PTPRB: variants seen among roughly 807,000 people sequenced by gnomAD.
PTPRB encodes the protein protein tyrosine phosphatase receptor type B.
Under a neutral mutation model 238.1 loss-of-function variants are expected in PTPRB, and 97 were observed. The ratio of observed to expected loss-of-function variants is 0.41; its 90% CI spans 0.35 to 0.48. The LOEUF (loss-of-function observed/expected upper bound fraction) is 0.48. PTPRB is among the 20% of genes least tolerant of loss of function. The probability of loss-of-function intolerance (pLI) is 0.30; values close to 1 mark genes in which losing one functional copy is unlikely to be tolerated. For synonymous variants in PTPRB, 970 were observed against 995.4 expected (o/e 0.97, Z 0.48); for missense variants, 2,292 against 2,681.9 (o/e 0.85, Z 3.21).
intron 2 of PTPRB, among the ~76,000 whole-genome samples, chr12:70,631,891 T>C (rs1222052219): frequency 1.3e-5 from 2 of 152,150 alleles, no homozygotes; most frequent in African/African-American, 4.8e-5. Context: ...TACCATCTCT[T>C]GCCAGTTAGA....
At chr12:70,594,829 T>C (rs1882846054) in intron 5 of PTPRB, 105 bp from the exon 6 acceptor site, 2 of 1,355,596 alleles carry the variant, frequency 1.5e-6, no homozygotes, top group African/African-American at 2.9e-5. Flanking sequence ...CCTCTGTACA[T>C]CTTAACTTGA....
chr12:70,612,459 T>C (rs1184226245), intron 3 of PTPRB, among the ~76,000 whole-genome samples: 2 of 152,200 alleles, frequency 1.3e-5, no homozygotes, highest in African/African-American at 4.8e-5. Context: ...CTCATCTTTG[T>C]TTGGAATTCC....
intron 21 of PTPRB, among the ~76,000 whole-genome samples, chr12:70,547,988 C>A (rs1876276045): frequency 6.6e-6 from 1 of 151,244 alleles, no homozygotes; most frequent in African/African-American, 2.4e-5. Context: ...GCTCCTAGTG[C>A]AGATCTCTTT....
chr12:70,627,156 C>T (rs1052304172), intron 2 of PTPRB, among the ~76,000 whole-genome samples: 1 of 152,088 alleles, frequency 6.6e-6, no homozygotes, highest in African/African-American at 2.4e-5. Context: ...TTACCTAACA[C>T]CCTATGTTTT....
intron 10 of PTPRB, 44 bp from the exon 11 acceptor site, chr12:70,576,689 G>GGGGGGGGGGGGGGGGGGTGGA: frequency 3.1e-6 from 1 of 324,814 alleles, no homozygotes; most frequent in South Asian, 2.6e-5. Flanking sequence ...GGGGAAGGGG[G>GGGGGGGGGGGGGGGGGGTGGA]ATTCAAAAAG....
chr12:70,539,761 C>T, intron 25 of PTPRB, 55 bp from the exon 26 acceptor site: 1 of 1,592,806 alleles, frequency 6.3e-7, no homozygotes, highest in South Asian at 1.1e-5. Flanking sequence ...AGGGAAAGTG[C>T]CATAACTATT....
rs758730629 is a variant in PTPRB at position 70,562,894 on chromosome 12, A to G, written c.4118T>C (p.Val1373Ala). 3 of 1,614,030 alleles carry G rather than the reference A, an allele frequency of 1.9e-6. No individual in the cohort carries two copies. The highest frequency in any genetic ancestry group is 2.2e-5 in the South Asian group (2 of 91,084). ...ATTAGACAGCTCCCCACTGTGAGTT[A>G]CAATCACCATCTTGTACATTCTGCC... is the stretch of plus-strand genomic sequence containing the variant. ...LQGRMYKMVI[V>A]THSGELSNES... The change falls in exon 16 of 34, where the codon GTA becomes GCA. Residue 1373 changes from valine (V) to alanine (A), a missense_variant. By Grantham distance (64) the Val-to-Ala change is moderately conservative. This residue lies in a region of PTPRB where 683 missense variants were observed against 862.0 expected (regional missense o/e 0.79). Transcript: ENST00000334414.
chr12:70,579,080 A>G (rs1881092721), intron 10 of PTPRB, among the ~76,000 whole-genome samples: 1 of 152,218 alleles, frequency 6.6e-6, no homozygotes, highest in Admixed American at 6.5e-5. Flanking sequence ...CACATTATAC[A>G]GTGTCTAAGC....
At position 70,622,424 on chromosome 12, in the gene PTPRB, G is replaced by A. The variant is rs748496044; in HGVS notation, c.674C>T (p.Ser225Leu). 27 of 1,612,262 alleles carry A rather than the reference G, an allele frequency of 1.7e-5. No homozygotes were observed. Among genetic ancestry groups the A allele is most frequent in the South Asian group, 3.3e-5 (3 of 90,988 alleles). ...TGITDTSWVL[S>L]TTQPFSSTTE... ...GGTGCTGGAGAAGGGCTGAGTAGTC[G>A]ACAAAACCCATGATGTGTCTGTAAT... Residue 225 changes from serine (S) to leucine (L), a missense_variant, in exon 3 of 34, where the codon TCG becomes TTG. Ser to Leu is a moderately radical substitution (Grantham distance 145, BLOSUM62 -2). This residue lies in a region of PTPRB where 1,205 missense variants were observed against 1,287.8 expected (regional missense o/e 0.94). Coordinates refer to ENST00000334414, the MANE Select transcript of PTPRB (RefSeq NM_001109754.4).
chr12:70,547,839 T>A (rs1293150018), intron 21 of PTPRB, among the ~76,000 whole-genome samples: 1 of 152,160 alleles, frequency 6.6e-6, no homozygotes, highest in African/African-American at 2.4e-5. Context: ...TTCTGTTTGA[T>A]CATGTTCAAC....
At chr12:70,545,066 G>C (rs529590985) in intron 21 of PTPRB, among the ~76,000 whole-genome samples, 1 of 152,362 alleles carries the variant, frequency 6.6e-6, no homozygotes, top group South Asian at 2.1e-4. Context: ...GCTTCATTCA[G>C]AATGGTAGTG....
chr12:70,529,255 T>G (rs1872827311), intron 32 of PTPRB, among the ~76,000 whole-genome samples: 2 of 152,146 alleles, frequency 1.3e-5, no homozygotes, highest in Non-Finnish European at 2.9e-5. Context: ...TTACCTCTGC[T>G]CTGAAAGTCA....
intron 4 of PTPRB, 149 bp downstream of exon 4, chr12:70,608,920 G>C (rs118163835): frequency 0.04 from 46,702 of 1,174,120 alleles, 1,142 homozygotes; most frequent in Non-Finnish European, 0.045. Flanking sequence ...TAGATCCGAG[G>C]AAACCAGACA....
Position 70,590,199 on chromosome 12 carries a change from A to T in PTPRB, c.1815T>A (p.Asn605Lys). 1 of 1,584,698 alleles carries T rather than the reference A, an allele frequency of 6.3e-7. No individual in the cohort carries two copies. Among genetic ancestry groups the T allele is most frequent in the South Asian group, 1.2e-5 (1 of 86,610 alleles). The change falls in exon 8 of 34, where the codon AAT becomes AAA. Residue 605 changes from asparagine (N) to lysine (K), a missense_variant. This residue lies in a region of PTPRB where 1,205 missense variants were observed against 1,287.8 expected (regional missense o/e 0.94). Transcript: ENST00000334414. ...PDKVANLEAN[N>K]NGRMRSLVVS... is the part of the protein sequence containing the mutation. ...CTACAAGAGACCTCATCCTGCCATT[A>T]TTGTTTGCCTCCAGGTTTGCAACTT...
intron 3 of PTPRB, among the ~76,000 whole-genome samples, chr12:70,614,068 G>C (rs1592594157): frequency 6.6e-6 from 1 of 151,718 alleles, no homozygotes; most frequent in South Asian, 2.1e-4. Flanking sequence ...GTACCCGTTA[G>C]AACAGTGGTT....
rs1369344707 is a variant in PTPRB, at chr12:70,569,958, T to G, written c.3371-20A>C. ...TAGGAACTAAAACAGAAAATAAATT[T>G]AAAAGTCATCACTTAGAGAATGAAC... On this transcript the variant is annotated intron_variant, in intron 13 of 33. Coordinates refer to ENST00000334414, the MANE Select transcript of PTPRB (RefSeq NM_001109754.4). 12 of 1,582,686 alleles carry G rather than the reference T, an allele frequency of 7.6e-6. No homozygotes were observed. The highest frequency in any genetic ancestry group is 1.0e-5 in the Non-Finnish European group (12 of 1,154,442).
intron 11 of PTPRB, among the ~76,000 whole-genome samples, chr12:70,575,666 T>C (rs1880605049): frequency 1.3e-5 from 2 of 152,200 alleles, no homozygotes; most frequent in South Asian, 4.1e-4. Flanking sequence ...CATAGCTTAG[T>C]AGGAAACATT....
chr12:70,539,752 G>C, intron 25 of PTPRB, 46 bp from the exon 26 acceptor site: 2 of 1,592,938 alleles, frequency 1.3e-6, no homozygotes, highest in Middle Eastern at 1.7e-4. Flanking sequence ...CTGCAGAAAA[G>C]GGAAAGTGCC....
At chr12:70,563,376 T>A (rs1209135903) in intron 15 of PTPRB, among the ~76,000 whole-genome samples, 1 of 152,216 alleles carries the variant, frequency 6.6e-6, no homozygotes, top group Non-Finnish European at 1.5e-5. Flanking sequence ...GCTGCCTGAT[T>A]CCTCAGAAGT....
Sources: gnomAD v4.1 joint callset for allele counts (sites outside exome capture counted in the v4.1 genomes callset) on GRCh38, gnomAD v4.1.1 for gene constraint, gnomAD v4.1.1 regional missense constraint, MANE v1.5 for transcripts, NCBI Gene and HGNC (gene_info 2026-07-23, HGNC 2026-07-21) for gene names.